EPB41: variants seen among roughly 807,000 people sequenced by gnomAD.
EPB41 encodes the protein erythrocyte membrane protein band 4.1, also known as protein 4.1.
EPB41 carries 65 observed loss-of-function variants against 108.0 expected under a neutral mutation model. The observed-to-expected ratio is 0.60, with a 90% CI of 0.49 to 0.74. The LOEUF is 0.74. EPB41 is among the 30% of genes least tolerant of loss of function. The pLI is 0.00. For missense variants in EPB41, 875 were observed against 1,037.0 expected (o/e 0.84, Z 2.15); for synonymous variants, 336 against 358.9 (o/e 0.94, Z 0.72).
intron 17 of EPB41, among the ~76,000 whole-genome samples, chr1:29,104,602 G>A (rs929460591): frequency 5.4e-5 from 8 of 149,128 alleles, no homozygotes; most frequent in Admixed American, 1.3e-4. Flanking sequence ...TTTTTTTTTC[G>A]AGACGGAGTC....
intron 1 of EPB41, among the ~76,000 whole-genome samples, chr1:28,974,243 G>C (rs1190493182): frequency 3.3e-5 from 5 of 152,186 alleles, no homozygotes; most frequent in Non-Finnish European, 7.3e-5. Flanking sequence ...AATCCAGGAG[G>C]TCAGAGACTA....
chr1:29,022,043 T>C (rs1473019300), intron 7 of EPB41, among the ~76,000 whole-genome samples: 1 of 152,228 alleles, frequency 6.6e-6, no homozygotes, highest in Non-Finnish European at 1.5e-5. Flanking sequence ...TCAAGCTTTC[T>C]GGTAAAAATT....
chr1:29,086,940 C>CTTTTTTTTTTTTTTT (rs386366593), intron 16 of EPB41, among the ~76,000 whole-genome samples: 1 of 98,564 alleles, frequency 1.0e-5, no homozygotes, highest in Non-Finnish European at 1.9e-5. Flanking sequence ...AACTGTGGTT[C>CTTTTTTTTTTTTTTT]TTTTTTTTTT....
Position 29,088,045 on chromosome 1 carries a change from C to CTTTTTTTTTTTTTTTTTTTTTTTT in EPB41, c.2185-9755_2185-9754insTTTTTTTTTTTTTTTTTTTTTTTT, listed in dbSNP as rs750809586. On this transcript the variant is annotated intron_variant, in intron 16 of 20. Transcript: ENST00000343067. ...CATCTTTTTTCCTTTTTCTTTTTTT[C>CTTTTTTTTTTTTTTTTTTTTTTTT]TTTTTTTCTTTTTTTTTTGAGATGG... Among the ~76,000 whole-genome samples the CTTTTTTTTTTTTTTTTTTTTTTTT allele has an allele frequency of 2.3e-5, 3 of 131,576 alleles. 1 individual carries two copies. The highest frequency in any genetic ancestry group is 5.0e-5 in the Non-Finnish European group (3 of 59,918). The allele number at this position is 131,576 out of a possible 152,430, so 86.3% of individuals were successfully genotyped here. A position where few individuals can be genotyped will look rare whatever the true frequency, so the allele number is the denominator to read the frequency against.
chr1:28,974,626 G>A (rs1490145730), intron 1 of EPB41, among the ~76,000 whole-genome samples: 1 of 152,122 alleles, frequency 6.6e-6, no homozygotes, highest in Non-Finnish European at 1.5e-5. Flanking sequence ...AAATGGAGAA[G>A]GCTAAGAGAA....
chr1:29,096,433 T>C, intron 16 of EPB41: 1 of 985,876 alleles, frequency 1.0e-6, no homozygotes, highest in South Asian at 4.7e-5. Flanking sequence ...AACAGGCCAG[T>C]GCCTTAAAGT....
intron 1 of EPB41, among the ~76,000 whole-genome samples, chr1:28,981,526 C>T (rs1332755085): frequency 1.3e-5 from 2 of 152,212 alleles, no homozygotes; most frequent in East Asian, 3.8e-4. Flanking sequence ...GAATCTATTG[C>T]TGTAATATAC....
chr1:28,982,562 G>T, intron 1 of EPB41: 1 of 1,495,328 alleles, frequency 6.7e-7, no homozygotes, highest in Non-Finnish European at 9.3e-7. Flanking sequence ...CCAGAGTAGC[G>T]TCCAGCCAGG....
chr1:28,902,236 C>T, intron 1 of EPB41: 1 of 985,394 alleles, frequency 1.0e-6, no homozygotes, highest in Non-Finnish European at 1.2e-6. Flanking sequence ...AACCCTGAGG[C>T]TCTTTTGCTT....
chr1:29,085,832 G>A (rs1233559251), intron 16 of EPB41, among the ~76,000 whole-genome samples: 4 of 152,064 alleles, frequency 2.6e-5, no homozygotes, highest in African/African-American at 7.2e-5. Flanking sequence ...GATTAAAGGC[G>A]TGAACCACCT....
intron 5 of EPB41, among the ~76,000 whole-genome samples, chr1:29,014,003 A>G (rs992914214): frequency 2.6e-5 from 4 of 152,138 alleles, no homozygotes; most frequent in African/African-American, 9.7e-5. Flanking sequence ...CTAGGCATAT[A>G]TACATTTTGC....
At chr1:28,938,446 T>TTCA (rs1557737125) in intron 1 of EPB41, among the ~76,000 whole-genome samples, 1 of 152,222 alleles carries the variant, frequency 6.6e-6, no homozygotes, top group Admixed American at 6.5e-5. Flanking sequence ...TCCCAAGTAT[T>TTCA]TCATTATTTT....
At position 28,889,219 on chromosome 1, in the gene EPB41, C is replaced by T. The variant is rs142405136; in HGVS notation, c.-8+2009C>T. ...TAGGCAATGTGTATGCAGACCAGAA[C>T]GGTAGCTGGTCTGATAGCAGGCCAG... On this transcript the variant is annotated intron_variant, in intron 1 of 16. Coordinates refer to the EPB41 transcript ENST00000347529. Among the ~76,000 whole-genome samples the T allele has an allele frequency of 9.2e-5, 14 of 152,264 alleles. No individual in the cohort carries two copies. The East Asian group carries it at 2.3e-3, about 25-fold the overall frequency.
rs2096202208 is a variant in EPB41 at position 28,997,279 on chromosome 1, A to C, written c.746A>C (p.Asp249Ala). 1 of 1,614,038 alleles carries C rather than the reference A, an allele frequency of 6.2e-7. No individual in the cohort carries two copies. Among genetic ancestry groups the C allele is most frequent in the Admixed American group, 1.7e-5 (1 of 60,010 alleles). ...GAGCATCTCAATCTTTTGGAAGAAG[A>C]CTATTTTGGTCTAGCCATTTGGGAT... is the stretch of plus-strand genomic sequence containing the variant. ...VCEHLNLLEE[D>A]YFGLAIWDNA... The change falls in exon 4 of 21, where the codon GAC (aspartate) becomes GCC (alanine). Residue 249 changes from aspartate to alanine, a missense_variant. Around this residue, in one of 3 missense-constraint regions of EPB41, gnomAD observed 353 missense variants for 393.2 expected, o/e 0.90. Coordinates refer to ENST00000343067, the MANE Select transcript of EPB41 (RefSeq NM_001376013.1).
intron 16 of EPB41, among the ~76,000 whole-genome samples, chr1:29,074,567 G>A (rs1343946398): frequency 6.6e-6 from 1 of 152,074 alleles, no homozygotes; most frequent in Non-Finnish European, 1.5e-5. Context: ...AAACACATTG[G>A]TGCAGATCTA....
chr1:28,998,999 A>C (rs952695455), intron 4 of EPB41, among the ~76,000 whole-genome samples: 1 of 152,388 alleles, frequency 6.6e-6, no homozygotes, highest in South Asian at 2.1e-4. Context: ...GTAAGGGAAC[A>C]TTGAAGTTAA....
chr1:29,079,184 A>T (rs1558256379), intron 16 of EPB41, among the ~76,000 whole-genome samples: 1 of 151,560 alleles, frequency 6.6e-6, no homozygotes, highest in African/African-American at 2.4e-5. Context: ...TTTAGTAGAG[A>T]TGGGGTTTTA....
intron 14 of EPB41, 102 bp from the exon 15 acceptor site, chr1:29,060,320 A>G: frequency 3.0e-6 from 3 of 1,000,558 alleles, no homozygotes; most frequent in South Asian, 1.3e-5. Context: ...GTGGACATTT[A>G]TTTTTAAATA....
chr1:29,075,659 A>G (rs1653732042), intron 16 of EPB41, among the ~76,000 whole-genome samples: 1 of 152,176 alleles, frequency 6.6e-6, no homozygotes. Flanking sequence ...TCATTTTCTT[A>G]TCTACTACCT....
Sources: allele counts gnomAD v4.1 joint callset (sites outside exome capture counted in the v4.1 genomes callset), GRCh38; gene constraint gnomAD v4.1.1; regional missense constraint gnomAD v4.1.1; transcripts MANE v1.5; gene names NCBI Gene and HGNC (gene_info 2026-07-23, HGNC 2026-07-21).